The following STXBP4 variants were observed in gnomAD, a reference collection of about 807,000 sequenced individuals.
STXBP4 encodes the protein syntaxin binding protein 4, also known as syntaxin-binding protein 4.
A neutral mutation model predicts 76.1 loss-of-function variants in STXBP4; 55 were observed. The observed-to-expected ratio is 0.72, with a 90% CI of 0.58 to 0.91. The LOEUF (loss-of-function observed/expected upper bound fraction) is 0.91, where lower values mean the gene tolerates loss of function less well. Ranked by LOEUF, STXBP4 falls within the 40% of genes least tolerant of loss-of-function variation. STXBP4 has a pLI of 0.00. For synonymous variants in STXBP4, 201 were observed against 220.2 expected (o/e 0.91, Z 0.77); for missense variants, 618 against 636.9 (o/e 0.97, Z 0.32).
rs2077704180 is a variant in STXBP4 at position 54,990,874 on chromosome 17, C to G, written c.97C>G (p.Leu33Val). Residue 33 changes from leucine to valine, a missense_variant, in exon 4 of 18, where the codon CTG (leucine) becomes GTG (valine). Coordinates refer to ENST00000376352, the MANE Select transcript of STXBP4 (RefSeq NM_178509.6). ...ITIAKETGLG[L>V]KVLGGINRNE... Reference sequence around the variant, plus strand: ...AATTGCCAAGGAAACAGGCCTTGGCCTGAAGGTACTAGGAGGAATTAACCG... The same window carrying G: ...AATTGCCAAGGAAACAGGCCTTGGCGTGAAGGTACTAGGAGGAATTAACCG... 1 of 1,603,880 alleles carries G rather than the reference C, an allele frequency of 6.2e-7. No homozygotes were observed. Among genetic ancestry groups the G allele is most frequent in the African/African-American group, 1.4e-5 (1 of 74,026 alleles).
intron 10 of STXBP4, among the ~76,000 whole-genome samples, chr17:55,041,117 C>G (rs1419727324): frequency 6.6e-6 from 1 of 151,936 alleles, no homozygotes; most frequent in Non-Finnish European, 1.5e-5. Context: ...TTTACGCATG[C>G]TTTACCTACA....
intron 3 of STXBP4, among the ~76,000 whole-genome samples, chr17:54,990,048 A>C (rs748602954): frequency 1.3e-5 from 2 of 152,244 alleles, no homozygotes; most frequent in Admixed American, 6.5e-5. Context: ...CGTCGCCTTT[A>C]ATACATTTTT....
rs2078799119 is a variant in STXBP4 at position 55,047,039 on chromosome 17, T to C, written c.946-50T>C. On this transcript the variant is annotated intron_variant, in intron 11 of 17. Coordinates refer to ENST00000376352, the MANE Select transcript of STXBP4 (RefSeq NM_178509.6). ...GAAACAAGGGACTAAGAAGTCACACTTGTTAATACTTTCATAACAAGTTGT... is the reference window on the plus strand; with the variant it reads ...GAAACAAGGGACTAAGAAGTCACACCTGTTAATACTTTCATAACAAGTTGT... 1.0e-5 allele frequency: 12 copies of C among 1,146,300 alleles called. No individual in the cohort carries two copies. The East Asian group carries it at 2.8e-4, about 27-fold the overall frequency. The allele number at this position is 1,146,300 out of a possible 1,614,324, so 71.0% of individuals were successfully genotyped here.
intron 16 of STXBP4, among the ~76,000 whole-genome samples, chr17:55,130,897 A>G (rs2079967027): frequency 6.6e-6 from 1 of 152,144 alleles, no homozygotes. Flanking sequence ...TATCACATCC[A>G]TTCATCTGTT....
intron 16 of STXBP4, among the ~76,000 whole-genome samples, chr17:55,135,901 C>G (rs1033324146): frequency 2.3e-4 from 35 of 152,050 alleles, no homozygotes; most frequent in African/African-American, 8.5e-4. Context: ...TGACTATTGG[C>G]AGTGCAAACA....
intron 16 of STXBP4, among the ~76,000 whole-genome samples, chr17:55,115,169 G>A (rs535902965): frequency 4.7e-4 from 72 of 151,824 alleles, no homozygotes; most frequent in African/African-American, 1.6e-3. Context: ...AGTAAATGGC[G>A]AATTGACATT....
chr17:55,053,405 A>G (rs1251314475), intron 12 of STXBP4, among the ~76,000 whole-genome samples: 3 of 152,114 alleles, frequency 2.0e-5, no homozygotes, highest in South Asian at 2.1e-4. Context: ...GTGTATAAAT[A>G]TTACATATAT....
rs200822763 is a variant in STXBP4, at chr17:54,988,702, A to AG, written c.48-2121dup. Among the ~76,000 whole-genome samples the AG allele has an allele frequency of 4.2e-3, 644 of 152,252 alleles. 2 individuals carry two copies. The highest frequency in any genetic ancestry group is 0.014 in the African/African-American group (598 of 41,556). ...AGGTGGGAAAGTCGCTTAACCTGGG[A>AG]GGCAGAGGTTGCAGTAAGCTGAGAT... On this transcript the variant is annotated intron_variant, in intron 3 of 17. Transcript: ENST00000376352.
chr17:55,097,606 T>C (rs2079507830), intron 16 of STXBP4, among the ~76,000 whole-genome samples: 1 of 151,040 alleles, frequency 6.6e-6, no homozygotes, highest in South Asian at 2.1e-4. Flanking sequence ...GAGCTTGCAA[T>C]GAGCTGAGGT....
intron 12 of STXBP4, among the ~76,000 whole-genome samples, chr17:55,051,719 T>A (rs895846528): frequency 6.6e-6 from 1 of 152,072 alleles, no homozygotes; most frequent in African/African-American, 2.4e-5. Context: ...CTAGCCACTG[T>A]ATTCCAGCCT....
chr17:55,134,296 C>CT (rs1002659140), intron 16 of STXBP4, among the ~76,000 whole-genome samples: 21 of 149,440 alleles, frequency 1.4e-4, no homozygotes, highest in Non-Finnish European at 7.4e-5. Flanking sequence ...TACTGAAAGG[C>CT]TTTTTTTTTA....
At chr17:55,178,092 A>G (rs1392936092), downstream of STXBP4, among the ~76,000 whole-genome samples, 1 of 152,242 alleles carries the variant, frequency 6.6e-6, no homozygotes, top group Non-Finnish European at 1.5e-5. Flanking sequence ...AGATGAACAA[A>G]TGATCAAATT....
intron 8 of STXBP4, among the ~76,000 whole-genome samples, chr17:55,024,502 T>G (rs1177477116): frequency 2.0e-5 from 3 of 152,186 alleles, no homozygotes; most frequent in African/African-American, 7.2e-5. Context: ...CTGGGGTTCC[T>G]AAGTGAAAAA....
At chr17:55,080,570 GT>G (rs1172147973) in intron 15 of STXBP4, among the ~76,000 whole-genome samples, 1 of 151,952 alleles carries the variant, frequency 6.6e-6, no homozygotes, top group East Asian at 1.9e-4. Context: ...GCTCTAGGCT[GT>G]TTTTGATTCG....
chr17:55,135,144 G>T (rs553162898), intron 16 of STXBP4, among the ~76,000 whole-genome samples: 1 of 152,144 alleles, frequency 6.6e-6, no homozygotes, highest in African/African-American at 2.4e-5. Context: ...GTATATGTTG[G>T]CAAAAAGAAA....
chr17:55,210,146 A>G, the STXBP4 span, among the ~76,000 whole-genome samples: 5 of 152,264 alleles, frequency 3.3e-5, no homozygotes, highest in African/African-American at 1.2e-4. Context: ...GACCCCCTGC[A>G]TCTGGAATAT....
intron 10 of STXBP4, among the ~76,000 whole-genome samples, chr17:55,038,092 C>G (rs2078635676): frequency 6.6e-6 from 1 of 152,050 alleles, no homozygotes; most frequent in African/African-American, 2.4e-5. Context: ...CTGGGTCATT[C>G]TGTTAGGCAT....
intron 12 of STXBP4, among the ~76,000 whole-genome samples, chr17:55,069,845 TA>T (rs747466655): frequency 6.6e-6 from 1 of 152,080 alleles, no homozygotes; most frequent in African/African-American, 2.4e-5. Flanking sequence ...TATAGAGGAA[TA>T]AAAGCTGCAT....
chr17:55,107,183 G>A (rs544623583), intron 16 of STXBP4, among the ~76,000 whole-genome samples: 2 of 152,056 alleles, frequency 1.3e-5, no homozygotes, highest in South Asian at 4.2e-4. Context: ...ATTTCATTAA[G>A]TTGATCTTCA....
Sources: gnomAD v4.1 joint callset for allele counts (sites outside exome capture counted in the v4.1 genomes callset) on GRCh38, gnomAD v4.1.1 for gene constraint, MANE v1.5 for transcripts, NCBI Gene and HGNC (gene_info 2026-07-23, HGNC 2026-07-21) for gene names.